The following KCNIP4 variants were observed in gnomAD, a reference collection of about 807,000 sequenced individuals.
The protein encoded by KCNIP4 is potassium voltage-gated channel interacting protein 4, also known as Kv channel-interacting protein 4.
In KCNIP4, 12 loss-of-function variants were observed where a neutral mutation model predicts 34.0. That is an observed-to-expected ratio of 0.35 (90% CI 0.23 to 0.57). The LOEUF is 0.57. KCNIP4 is among the 20% of genes least tolerant of loss of function. The pLI is 0.83. For missense variants in KCNIP4, 238 were observed against 311.7 expected, an observed-to-expected ratio of 0.76 and a Z score of 1.78; for synonymous variants, 124 against 102.2, an observed-to-expected ratio of 1.21 and a Z score of -1.29.
At chr4:21,403,946 G>A (rs566086604) in intron 1 of KCNIP4, among the ~76,000 whole-genome samples, 1 of 152,248 alleles carries the variant, frequency 6.6e-6, no homozygotes, top group Admixed American at 6.5e-5. Context: ...CTCTCCCAAA[G>A]GCCTCACCTC....
rs191985474 is a variant in KCNIP4 at position 20,926,870 on chromosome 4, A to T, written c.62-44161T>A. ...AATATTTAGTTTTTGAACACTGGATATAATTGCACAGCCAAAAATAAATTT... is the reference window on the plus strand; with the variant it reads ...AATATTTAGTTTTTGAACACTGGATTTAATTGCACAGCCAAAAATAAATTT... On this transcript the variant is annotated intron_variant, in intron 1 of 8. Coordinates refer to ENST00000382152, the MANE Select transcript of KCNIP4 (RefSeq NM_025221.6). 2.0e-3 allele frequency among the ~76,000 whole-genome samples: 304 copies of T among 152,344 alleles called. 1 individual carries two copies. The highest frequency in any genetic ancestry group is 7.0e-3 in the African/African-American group (291 of 41,590).
chr4:21,094,604 AG>A (rs1329306322), intron 1 of KCNIP4, among the ~76,000 whole-genome samples: 1 of 152,140 alleles, frequency 6.6e-6, no homozygotes, highest in African/African-American at 2.4e-5. Flanking sequence ...TCCTTGTGGG[AG>A]GGGGTCTCAC....
intron 1 of KCNIP4, among the ~76,000 whole-genome samples, chr4:21,801,004 C>A (rs1027478091): frequency 6.6e-6 from 1 of 152,168 alleles, no homozygotes; most frequent in East Asian, 1.9e-4. Flanking sequence ...GAGTCAGAAA[C>A]TTTGCAAGGC....
At chr4:21,764,453 G>C (rs996770792) in intron 1 of KCNIP4, among the ~76,000 whole-genome samples, 5 of 152,126 alleles carry the variant, frequency 3.3e-5, no homozygotes, top group Admixed American at 2.0e-4. Context: ...GCTATATCAT[G>C]ACACTGGGGC....
At chr4:21,854,408 G>C (rs1407129720) in intron 1 of KCNIP4, among the ~76,000 whole-genome samples, 2 of 152,140 alleles carry the variant, frequency 1.3e-5, no homozygotes, top group Non-Finnish European at 1.5e-5. Context: ...TAATTGCAGA[G>C]CAGAGTTTTT....
At chr4:21,562,518 C>T (rs1205542161) in intron 1 of KCNIP4, among the ~76,000 whole-genome samples, 2 of 152,018 alleles carry the variant, frequency 1.3e-5, no homozygotes, top group Non-Finnish European at 1.5e-5. Context: ...GCTTAAATGC[C>T]TCCAACAAAA....
chr4:20,913,395 C>G (rs1271972702), intron 1 of KCNIP4, among the ~76,000 whole-genome samples: 1 of 152,024 alleles, frequency 6.6e-6, no homozygotes, highest in Admixed American at 6.6e-5. Context: ...GAGGGAATAG[C>G]AAGTAACTGC....
chr4:21,444,264 A>C lies in KCNIP4; in HGVS notation c.61+504307T>G, dbSNP rs185704341. On this transcript the variant is annotated intron_variant, in intron 1 of 8. Transcript: ENST00000382152. ...AATAGAAAAAGAGAGAATCCTCCCT[A>C]ACTCATTTTATGAGGCCAGCATCAT... 7.7e-3 allele frequency among the ~76,000 whole-genome samples: 1,166 copies of C among 152,334 alleles called. 38 individuals are homozygous for C. The highest frequency in any genetic ancestry group is 0.05 in the Admixed American group (766 of 15,308).
intron 1 of KCNIP4, among the ~76,000 whole-genome samples, chr4:20,976,131 C>T (rs1577470476): frequency 6.6e-6 from 1 of 152,250 alleles, no homozygotes; most frequent in Admixed American, 6.5e-5. Context: ...ATGGGTTTGG[C>T]CTTTCCAACT....
At chr4:21,000,736 T>G (rs1461226130) in intron 1 of KCNIP4, among the ~76,000 whole-genome samples, 1 of 152,160 alleles carries the variant, frequency 6.6e-6, no homozygotes, top group East Asian at 1.9e-4. Flanking sequence ...GGTATGTGCC[T>G]TTTATGATAA....
intron 1 of KCNIP4, among the ~76,000 whole-genome samples, chr4:21,295,424 T>A (rs1191436631): frequency 6.6e-6 from 1 of 152,164 alleles, no homozygotes; most frequent in East Asian, 1.9e-4. Context: ...TCAATGGCTT[T>A]CCAGTAACAA....
At chr4:21,611,918 C>T (rs540332816) in intron 1 of KCNIP4, among the ~76,000 whole-genome samples, 3 of 152,274 alleles carry the variant, frequency 2.0e-5, no homozygotes, top group African/African-American at 7.2e-5. Flanking sequence ...TCACTGTTTG[C>T]ATTCTCAGTA....
At chr4:20,866,429 C>G (rs978030936) in intron 2 of KCNIP4, among the ~76,000 whole-genome samples, 1 of 151,982 alleles carries the variant, frequency 6.6e-6, no homozygotes, top group African/African-American at 2.4e-5. Context: ...TCTATAGACA[C>G]AGAAAAAGCT....
At chr4:21,370,523 AAAACC>A (rs1720234635) in intron 1 of KCNIP4, among the ~76,000 whole-genome samples, 1 of 145,128 alleles carries the variant, frequency 6.9e-6, no homozygotes, top group Non-Finnish European at 1.5e-5. Flanking sequence ...ATAAAGTATA[AAAACC>A]TATGTTCTAA....
chr4:21,273,110 A>G (rs1292651346), intron 1 of KCNIP4, among the ~76,000 whole-genome samples: 1 of 152,140 alleles, frequency 6.6e-6, no homozygotes, highest in Non-Finnish European at 1.5e-5. Flanking sequence ...CTTAATTATT[A>G]CTGATAGTAC....
intron 1 of KCNIP4, among the ~76,000 whole-genome samples, chr4:21,284,605 G>T (rs1762988800): frequency 6.6e-6 from 1 of 152,156 alleles, no homozygotes; most frequent in Non-Finnish European, 1.5e-5. Context: ...GATTTTTCAA[G>T]GGAAGTTTTG....
intron 1 of KCNIP4, among the ~76,000 whole-genome samples, chr4:20,977,291 A>G (rs1038166046): frequency 2.6e-5 from 4 of 152,194 alleles, no homozygotes; most frequent in African/African-American, 9.7e-5. Flanking sequence ...GCTTCTTGAC[A>G]GCTTCCTGTC....
At chr4:21,718,854 G>A (rs548648011) in intron 1 of KCNIP4, 1 of 152,232 alleles carries the variant, frequency 6.6e-6, no homozygotes, top group South Asian at 2.1e-4. Flanking sequence ...TATTTGCAAA[G>A]GACCCTTCAC....
chr4:21,708,104 T>C (rs1385925917), intron 1 of KCNIP4, among the ~76,000 whole-genome samples: 1 of 152,126 alleles, frequency 6.6e-6, no homozygotes, highest in Non-Finnish European at 1.5e-5. Context: ...ATTGTTTACC[T>C]TTACTCAGAT....
Sources: gnomAD v4.1 joint callset for allele counts (sites outside exome capture counted in the v4.1 genomes callset) on GRCh38, gnomAD v4.1.1 for gene constraint, MANE v1.5 for transcripts, NCBI Gene and HGNC (gene_info 2026-07-23, HGNC 2026-07-21) for gene names.